NSG2: variants seen among roughly 807,000 people sequenced by gnomAD.
The protein encoded by NSG2 is neuronal vesicle trafficking-associated protein 2.
NSG2 carries 4 observed loss-of-function variants against 16.9 expected under a neutral mutation model. The ratio of observed to expected loss-of-function variants is 0.24; its 90% CI spans 0.12 to 0.54. The LOEUF (loss-of-function observed/expected upper bound fraction) is 0.54, where lower values mean the gene tolerates loss of function less well. Ranked by LOEUF, NSG2 falls within the 20% of genes least tolerant of loss-of-function variation. The pLI, the probability that NSG2 is intolerant of heterozygous loss-of-function variation, is 0.95. For synonymous variants in NSG2, 98 were observed against 88.7 expected (o/e 1.11, Z -0.59); for missense variants, 179 against 221.1 (o/e 0.81, Z 1.21).
At chr5:174,066,775 G>T (rs577235145) in intron 3 of NSG2, among the ~76,000 whole-genome samples, 1 of 151,830 alleles carries the variant, frequency 6.6e-6, no homozygotes, top group Admixed American at 6.6e-5. Context: ...TGTGTCACGA[G>T]GTCAGGAGAT....
At position 174,104,313 on chromosome 5, in the gene NSG2, G is replaced by C. The variant is rs769613922; in HGVS notation, c.299G>C (p.Ser100Thr). 7.4e-6 allele frequency: 12 copies of C among 1,613,776 alleles called. No homozygotes were observed. The highest frequency in any genetic ancestry group is 1.0e-5 in the Non-Finnish European group (12 of 1,179,772). The change falls in exon 4 of 5, where the codon AGC becomes ACC. Residue 100 changes from serine to threonine, a missense_variant. By Grantham distance (58) the Ser-to-Thr change is moderately conservative. Coordinates refer to ENST00000303177, the MANE Select transcript of NSG2 (RefSeq NM_015980.5). ...TACAAAGCCTTCACCTATGATCACA[G>C]CTGCCCAGAGGGATTCGTCTATAAG... ...VVYKAFTYDH[S>T]CPEGFVYKHK...
intron 3 of NSG2, among the ~76,000 whole-genome samples, chr5:174,074,197 T>C (rs1760295070): frequency 6.6e-6 from 1 of 152,224 alleles, no homozygotes; most frequent in South Asian, 2.1e-4. Context: ...ATTTCAGCTC[T>C]CTGAACCTGC....
At chr5:174,064,135 C>CATAA (rs1760102164) in intron 2 of NSG2, 97 bp from the exon 3 acceptor site, 8 of 802,748 alleles carry the variant, frequency 1.0e-5, no homozygotes, top group Non-Finnish European at 1.5e-5. Context: ...TTTTTTTGAT[C>CATAA]TTTATGTCAT....
At chr5:174,063,124 T>C (rs967346421) in intron 2 of NSG2, among the ~76,000 whole-genome samples, 3 of 152,190 alleles carry the variant, frequency 2.0e-5, no homozygotes, top group African/African-American at 4.8e-5. Context: ...ATATTGCTCA[T>C]TATCATCTCA....
chr5:174,098,775 G>A (rs897576224), intron 3 of NSG2, among the ~76,000 whole-genome samples: 1 of 152,140 alleles, frequency 6.6e-6, no homozygotes, highest in African/African-American at 2.4e-5. Flanking sequence ...CTCAGTGAGC[G>A]GACGATGAGT....
intron 3 of NSG2, among the ~76,000 whole-genome samples, chr5:174,079,867 T>C (rs913357958): frequency 2.0e-5 from 3 of 152,252 alleles, no homozygotes; most frequent in Non-Finnish European, 2.9e-5. Context: ...TTGATACATT[T>C]GACTTTAAAA....
At chr5:174,071,655 G>GT (rs1470308236) in intron 3 of NSG2, among the ~76,000 whole-genome samples, 1 of 152,224 alleles carries the variant, frequency 6.6e-6, no homozygotes, top group East Asian at 1.9e-4. Context: ...GCTCCTGCCT[G>GT]TGACTAGCAC....
chr5:174,046,443 G>A (rs776970705), intron 1 of NSG2, among the ~76,000 whole-genome samples: 1 of 152,064 alleles, frequency 6.6e-6, no homozygotes, highest in African/African-American at 2.4e-5. Flanking sequence ...AGTGTCTTGG[G>A]TATTTGTTTT....
chr5:174,057,005 T>C (rs1318971906), intron 2 of NSG2, among the ~76,000 whole-genome samples: 1 of 152,248 alleles, frequency 6.6e-6, no homozygotes, highest in Non-Finnish European at 1.5e-5. Flanking sequence ...TATTAAATTA[T>C]GTTCTTCATA....
Position 174,107,331 on chromosome 5 carries a change from A to G in NSG2, c.342A>G (p.Pro114=). The change falls in exon 5 of 5, where the codon CCA becomes CCG. Residue 114 remains proline, a synonymous_variant. Transcript: ENST00000303177. This position sits in a 1 kb window ranked among gnomAD's most constrained non-coding sequence, Gnocchi z 4.5. ...TTCCCCAGCACAAACGCTGTATCCC[A>G]GCCTCCCTGGATGCTTACTACTCCT... The part of the protein sequence containing the change: ...GFVYKHKRCI[P]ASLDAYYSSQ... 6.3e-7 allele frequency: 1 copy of G among 1,575,004 alleles called. No individual in the cohort carries two copies. The highest frequency in any genetic ancestry group is 8.7e-7 in the Non-Finnish European group (1 of 1,154,860).
chr5:174,050,744 C>G (rs886490711), intron 2 of NSG2, among the ~76,000 whole-genome samples: 1 of 152,170 alleles, frequency 6.6e-6, no homozygotes, highest in Non-Finnish European at 1.5e-5. Flanking sequence ...GTCCCCCAGA[C>G]AGAACACCAG....
intron 3 of NSG2, among the ~76,000 whole-genome samples, chr5:174,074,258 T>A (rs1760296735): frequency 6.6e-6 from 1 of 152,212 alleles, no homozygotes; most frequent in African/African-American, 2.4e-5. Flanking sequence ...AGACCTAGTG[T>A]GAGGCCTAAG....
At chr5:174,092,667 ACT>A (rs1489350294) in intron 3 of NSG2, among the ~76,000 whole-genome samples, 1 of 152,092 alleles carries the variant, frequency 6.6e-6, no homozygotes, top group Non-Finnish European at 1.5e-5. Flanking sequence ...CATTTACATG[ACT>A]CTCTTTCCTT....
intron 3 of NSG2, among the ~76,000 whole-genome samples, chr5:174,078,785 C>G (rs1275442850): frequency 6.6e-6 from 1 of 152,192 alleles, no homozygotes; most frequent in African/African-American, 2.4e-5. Context: ...AAGGCACCAT[C>G]TATGAACCAG....
At chr5:174,090,651 C>T (rs1455937897) in intron 3 of NSG2, among the ~76,000 whole-genome samples, 2 of 152,278 alleles carry the variant, frequency 1.3e-5, no homozygotes, top group East Asian at 1.9e-4. Flanking sequence ...TGTGTGAAAA[C>T]GCCCTCCAAG....
chr5:174,065,144 C>T (rs766637549), intron 3 of NSG2, among the ~76,000 whole-genome samples: 7 of 151,932 alleles, frequency 4.6e-5, no homozygotes, highest in African/African-American at 7.2e-5. Flanking sequence ...CTGGCTAACA[C>T]GGTGAAACCC....
chr5:174,098,345 G>A (rs1411823437), intron 3 of NSG2, among the ~76,000 whole-genome samples: 2 of 152,148 alleles, frequency 1.3e-5, no homozygotes, highest in African/African-American at 4.8e-5. Flanking sequence ...CCTCTGTGGG[G>A]AGCTACTGTC....
rs189722237 is a variant in NSG2 at position 174,073,804 on chromosome 5, A to G, written c.213+9489A>G. Among the ~76,000 whole-genome samples the G allele has an allele frequency of 3.3e-5, 5 of 152,328 alleles. No individual in the cohort carries two copies. In the East Asian group the frequency reaches 9.7e-4, roughly 29 times the overall value. ...GATGGGCTTTTATTACCGGCTTTAC[A>G]TTCTCATTGATCCAAACAAACATTG... is the stretch of plus-strand genomic sequence containing the variant. On this transcript the variant is annotated intron_variant, in intron 3 of 4. Transcript: ENST00000303177.
At chr5:174,059,730 T>C (rs1294584505) in intron 2 of NSG2, among the ~76,000 whole-genome samples, 1 of 152,108 alleles carries the variant, frequency 6.6e-6, no homozygotes, top group African/African-American at 2.4e-5. Context: ...TTTCTCTGGG[T>C]TCCTCTTGGC....
Sources: allele counts gnomAD v4.1 joint callset (sites outside exome capture counted in the v4.1 genomes callset), GRCh38; gene constraint gnomAD v4.1.1; non-coding constraint Gnocchi (gnomAD v3.1); transcripts MANE v1.5; gene names NCBI Gene and HGNC (gene_info 2026-07-23, HGNC 2026-07-21).